The following ITCH variants were observed in gnomAD, a reference collection of about 807,000 sequenced individuals.
ITCH encodes itchy E3 ubiquitin protein ligase, also known as E3 ubiquitin-protein ligase Itchy homolog.
ITCH carries 28 observed loss-of-function variants against 126.8 expected under a neutral mutation model. The observed-to-expected ratio is 0.22, with a 90% CI of 0.16 to 0.30. The LOEUF (loss-of-function observed/expected upper bound fraction) is 0.30, where lower values mean the gene tolerates loss of function less well. Among genes scored for constraint, ITCH ranks in the 10% least tolerant of loss-of-function variants. The probability of loss-of-function intolerance (pLI) is 1.00; values close to 1 mark genes in which losing one functional copy is unlikely to be tolerated. For missense variants in ITCH, 631 were observed against 1,032.4 expected, an observed-to-expected ratio of 0.61 and a Z score of 5.33; for synonymous variants, 342 against 340.0, an observed-to-expected ratio of 1.01 and a Z score of -0.06.
chr20:34,457,016 TTCTTA>T (rs973773280), intron 12 of ITCH, among the ~76,000 whole-genome samples: 2 of 152,180 alleles, frequency 1.3e-5, no homozygotes, highest in African/African-American at 2.4e-5. Context: ...TATCTGAGTT[TTCTTA>T]TCTTAAGGAT....
chr20:34,495,267 A>AAAATAAAT (rs71194612), intron 23 of ITCH, among the ~76,000 whole-genome samples: 1 of 140,758 alleles, frequency 7.1e-6, no homozygotes, highest in Non-Finnish European at 1.5e-5. Flanking sequence ...CTCCAACTCA[A>AAAATAAAT]AAATAAATAA....
intron 10 of ITCH, 81 bp downstream of exon 10, chr20:34,442,384 GTTTTAC>G (rs1286247645): frequency 9.4e-7 from 1 of 1,065,346 alleles, no homozygotes; most frequent in Non-Finnish European, 1.4e-6. Flanking sequence ...CTACATTTCT[GTTTTAC>G]TTTTTCTTGT....
intron 9 of ITCH, among the ~76,000 whole-genome samples, chr20:34,441,147 C>G (rs915013814): frequency 1.3e-5 from 2 of 151,982 alleles, no homozygotes; most frequent in African/African-American, 4.8e-5. Flanking sequence ...TGGCAGGCGC[C>G]TGTAATCCCA....
chr20:34,473,846 T>G (rs1987871102), intron 16 of ITCH, among the ~76,000 whole-genome samples: 1 of 152,248 alleles, frequency 6.6e-6, no homozygotes, highest in South Asian at 2.1e-4. Context: ...CTGCTATAAA[T>G]TGTCGTAATT....
chr20:34,370,142 G>A (rs1400679904), intron 2 of ITCH, among the ~76,000 whole-genome samples: 1 of 150,786 alleles, frequency 6.6e-6, no homozygotes, highest in Non-Finnish European at 1.5e-5. Flanking sequence ...GTTCAGTGCA[G>A]AAAGAATAGA....
chr20:34,489,187 T>C, intron 20 of ITCH, 79 bp from the exon 21 acceptor site: 1 of 1,271,124 alleles, frequency 7.9e-7, no homozygotes. Context: ...TTTATAATTT[T>C]TTAAAATTTA....
chr20:34,384,660 T>C (rs2038204892), intron 2 of ITCH, among the ~76,000 whole-genome samples: 1 of 1,134 alleles, frequency 8.8e-4, no homozygotes, highest in Admixed American at 0.014. Flanking sequence ...ATTAGGGTCT[T>C]TTTTTTTTTT....
At chr20:34,487,036 C>T (rs1457380101) in intron 20 of ITCH, among the ~76,000 whole-genome samples, 1 of 88,384 alleles carries the variant, frequency 1.1e-5, no homozygotes, top group East Asian at 3.5e-4. Context: ...TTTTTTGAGA[C>T]GTAGTCTCTC....
At chr20:34,477,645 C>T (rs928648344) in intron 16 of ITCH, 127 bp from the exon 17 acceptor site, 1 of 770,802 alleles carries the variant, frequency 1.3e-6, no homozygotes, top group Admixed American at 2.1e-5. Context: ...TTTGACTAGA[C>T]CATGAACACC....
At chr20:34,390,942 G>A (rs1197314321) in intron 2 of ITCH, among the ~76,000 whole-genome samples, 1 of 151,464 alleles carries the variant, frequency 6.6e-6, no homozygotes, top group South Asian at 2.1e-4. Context: ...TAATACAGAC[G>A]GGGTTTCAAC....
At chr20:34,498,758 G>GTTTTC (rs146122401) in intron 23 of ITCH, among the ~76,000 whole-genome samples, 4 of 151,728 alleles carry the variant, frequency 2.6e-5, no homozygotes, top group African/African-American at 9.7e-5. Flanking sequence ...TTGGCCTATA[G>GTTTTC]TTTTCTTTTC....
intron 11 of ITCH, among the ~76,000 whole-genome samples, chr20:34,448,437 T>TA (rs1170285655): frequency 6.6e-6 from 1 of 151,762 alleles, no homozygotes; most frequent in African/African-American, 2.4e-5. Flanking sequence ...TAGAGAGACA[T>TA]ACTAAAATAT....
chr20:34,465,832 A>G (rs1402974390), intron 14 of ITCH, among the ~76,000 whole-genome samples: 1 of 152,066 alleles, frequency 6.6e-6, no homozygotes, highest in Admixed American at 6.6e-5. Context: ...TTTCTTCGTA[A>G]AAGATCTTAG....
intron 2 of ITCH, among the ~76,000 whole-genome samples, chr20:34,381,378 G>A (rs931555472): frequency 6.6e-6 from 1 of 151,856 alleles, no homozygotes; most frequent in Non-Finnish European, 1.5e-5. Flanking sequence ...CACCTCCCAG[G>A]ATCAAGTGAT....
chr20:34,382,718 T>TTTA (rs1212326362), intron 2 of ITCH, among the ~76,000 whole-genome samples: 3 of 126,522 alleles, frequency 2.4e-5, no homozygotes, highest in Middle Eastern at 4.3e-3. Context: ...AATAATTCTT[T>TTTA]TTATTATTAC....
chr20:34,464,390 G>A (rs886922266), intron 14 of ITCH, among the ~76,000 whole-genome samples: 4 of 148,240 alleles, frequency 2.7e-5, no homozygotes, highest in Admixed American at 1.4e-4. Flanking sequence ...GCAATGGTGC[G>A]ATCTCGGCTC....
At chr20:34,435,711 T>C (rs552276827) in intron 7 of ITCH, among the ~76,000 whole-genome samples, 2 of 152,118 alleles carry the variant, frequency 1.3e-5, no homozygotes, top group Admixed American at 1.3e-4. Flanking sequence ...GTGTAAAAAG[T>C]AGATGAGGGG....
chr20:34,467,408 A>G (rs1161709549), intron 14 of ITCH, among the ~76,000 whole-genome samples: 2 of 151,922 alleles, frequency 1.3e-5, no homozygotes, highest in African/African-American at 4.8e-5. Context: ...GCATGCCTGT[A>G]GTCCCAGTTA....
At chr20:34,491,667 TTAA>T (rs1989524807) in intron 22 of ITCH, among the ~76,000 whole-genome samples, 4 of 152,120 alleles carry the variant, frequency 2.6e-5, no homozygotes, top group Admixed American at 2.6e-4. Flanking sequence ...TGTAGGATAA[TTAA>T]TAATACTACA....
Sources: allele counts gnomAD v4.1 joint callset (sites outside exome capture counted in the v4.1 genomes callset), GRCh38; gene constraint gnomAD v4.1.1; transcripts MANE v1.5; gene names NCBI Gene and HGNC (gene_info 2026-07-23, HGNC 2026-07-21).